Variants in ADAMTS2 observed in about 807,000 individuals in gnomAD.
ADAMTS2 encodes the protein ADAM metallopeptidase with thrombospondin type 1 motif 2, also known as A disintegrin and metalloproteinase with thrombospondin motifs 2.
ADAMTS2 carries 50 observed loss-of-function variants against 123.0 expected under a neutral mutation model. The observed-to-expected ratio is 0.41, with a 90% CI of 0.32 to 0.51. ADAMTS2 has a LOEUF of 0.51. ADAMTS2 is among the 20% of genes least tolerant of loss of function. The pLI is 0.35. For missense variants in ADAMTS2, 1,494 were observed against 1,705.2 expected (o/e 0.88, Z 2.18); for synonymous variants, 678 against 695.4 (o/e 0.98, Z 0.39).
At chr5:179,288,707 T>C (rs887595598) in intron 2 of ADAMTS2, among the ~76,000 whole-genome samples, 4 of 152,210 alleles carry the variant, frequency 2.6e-5, no homozygotes, top group Non-Finnish European at 5.9e-5. Context: ...AAAGGCGCCG[T>C]ATCCAGAATG....
At chr5:179,253,361 C>T (rs1465248235) in intron 3 of ADAMTS2, among the ~76,000 whole-genome samples, 14 of 152,000 alleles carry the variant, frequency 9.2e-5, no homozygotes, top group Admixed American at 3.9e-4. Flanking sequence ...AAAGACATCC[C>T]GGCCGGGCGC....
At position 179,273,034 on chromosome 5, in the gene ADAMTS2, ACTC is replaced by A. The variant is rs771693028; in HGVS notation, c.562_564del (p.Glu188del). 1.2e-6 allele frequency: 2 copies of A among 1,612,990 alleles called. No homozygotes were observed. The highest frequency in any genetic ancestry group is 1.7e-6 in the Non-Finnish European group (2 of 1,179,878). ...CCCTTCTCCAAGGGTTCGATGAAGA[ACTC>A]CTCCTCCTCCATCCGGATCAGACCA... is the stretch of plus-strand genomic sequence containing the variant. On this transcript the variant is annotated inframe_deletion, in exon 3 of 22. Transcript: ENST00000251582.
At chr5:179,137,184 C>A (rs1224587581) in intron 12 of ADAMTS2, among the ~76,000 whole-genome samples, 1 of 152,204 alleles carries the variant, frequency 6.6e-6, no homozygotes, top group Non-Finnish European at 1.5e-5. Context: ...CATGAGGCAG[C>A]AGCTGCTGGG....
intron 2 of ADAMTS2, among the ~76,000 whole-genome samples, chr5:179,293,149 C>G (rs1050438825): frequency 2.6e-5 from 4 of 152,228 alleles, no homozygotes; most frequent in African/African-American, 9.6e-5. Flanking sequence ...ACGGGGAAGA[C>G]AGTCTGACCC....
At chr5:179,193,124 C>T (rs1028445638) in intron 4 of ADAMTS2, among the ~76,000 whole-genome samples, 4 of 152,180 alleles carry the variant, frequency 2.6e-5, no homozygotes, top group Admixed American at 2.6e-4. Context: ...ACTATCTCCA[C>T]TACCAGGTGG....
chr5:179,169,710 C>G lies in ADAMTS2; in HGVS notation c.976-10831G>C, dbSNP rs149469007. Among the ~76,000 whole-genome samples the G allele has an allele frequency of 2.0e-5, 3 of 152,282 alleles. No individual in the cohort carries two copies. In the East Asian group the frequency reaches 5.8e-4, roughly 29 times the overall value. ...CTTCCTGCACCATGGCTGGGCCACTCTAAATCCTCTACCCTATAGGTGGGT... is the reference window on the plus strand; with the variant it reads ...CTTCCTGCACCATGGCTGGGCCACTGTAAATCCTCTACCCTATAGGTGGGT... On this transcript the variant is annotated intron_variant, in intron 5 of 21. Coordinates refer to ENST00000251582, the MANE Select transcript of ADAMTS2 (RefSeq NM_014244.5).
chr5:179,244,363 G>A (rs1765735428), intron 3 of ADAMTS2, among the ~76,000 whole-genome samples: 1 of 152,166 alleles, frequency 6.6e-6, no homozygotes, highest in Non-Finnish European at 1.5e-5. Flanking sequence ...CAGCAGAATG[G>A]CATATCCAAT....
At chr5:179,318,054 T>A (rs1055277697) in intron 2 of ADAMTS2, among the ~76,000 whole-genome samples, 6 of 152,172 alleles carry the variant, frequency 3.9e-5, no homozygotes, top group Admixed American at 2.0e-4. Flanking sequence ...GGCTTCACCC[T>A]GGCCACGTCT....
At position 179,121,719 on chromosome 5, in the gene ADAMTS2, G is replaced by A. The variant is rs749365337; in HGVS notation, c.3120C>T (p.Tyr1040=). 51 of 1,592,172 alleles carry A rather than the reference G, an allele frequency of 3.2e-5. No individual in the cohort carries two copies. Among genetic ancestry groups the A allele is most frequent in the Non-Finnish European group, 4.3e-5 (50 of 1,169,076 alleles). Residue 1040 remains tyrosine, a synonymous_variant, in exon 21 of 22, where the codon TAC becomes TAT. Coordinates refer to ENST00000251582, the MANE Select transcript of ADAMTS2 (RefSeq NM_014244.5). ...RNISDPSKKS[Y]VVQWLSRPDP... ...CCGGGCGGGACAGCCACTGAACTAC[G>A]TAGCTCTTCTTGGAGGGATCTGAGA... is the stretch of plus-strand genomic sequence containing the variant.
Position 179,158,934 on chromosome 5 carries a change from G to A in ADAMTS2, c.976-55C>T, listed in dbSNP as rs1304938559. 1.9e-6 allele frequency: 3 copies of A among 1,595,916 alleles called. No homozygotes were observed. Among genetic ancestry groups the A allele is most frequent in the Non-Finnish European group, 8.5e-7 (1 of 1,170,730 alleles). On this transcript the variant is annotated intron_variant, in intron 5 of 21. Transcript: ENST00000251582. This position sits in a 1 kb window ranked among gnomAD's most constrained non-coding sequence, Gnocchi z 5.0. Reference sequence around the variant, plus strand: ...AGAGGTTGGCGCCTGGTGGCCCAGTGGGGGGCCGAGCAGGCTGTAGTGTTG... The same window carrying A: ...AGAGGTTGGCGCCTGGTGGCCCAGTAGGGGGCCGAGCAGGCTGTAGTGTTG...
intron 2 of ADAMTS2, among the ~76,000 whole-genome samples, chr5:179,305,123 G>A (rs1276347071): frequency 9.9e-5 from 15 of 151,394 alleles, no homozygotes; most frequent in Admixed American, 8.5e-4. Context: ...CAAGAATTAA[G>A]GAGAAATAAA....
At chr5:179,178,893 T>C (rs1344841437) in intron 5 of ADAMTS2, among the ~76,000 whole-genome samples, 4 of 152,220 alleles carry the variant, frequency 2.6e-5, no homozygotes, top group Admixed American at 2.6e-4. Flanking sequence ...TTTAACCACA[T>C]TCCAAAAGAT....
chr5:179,133,038 C>T, intron 13 of ADAMTS2, 138 bp from the exon 14 acceptor site: 4 of 1,163,118 alleles, frequency 3.4e-6, no homozygotes, highest in Admixed American at 2.0e-5. Flanking sequence ...GGATTACAGG[C>T]GTGAACCACC....
At chr5:179,139,066 G>A (rs1763115310) in intron 11 of ADAMTS2, among the ~76,000 whole-genome samples, 1 of 152,236 alleles carries the variant, frequency 6.6e-6, no homozygotes, top group South Asian at 2.1e-4. Flanking sequence ...GGCCAAAAAG[G>A]AAAGACCGAA....
chr5:179,171,648 A>G (rs1312520600), intron 5 of ADAMTS2, among the ~76,000 whole-genome samples: 1 of 152,088 alleles, frequency 6.6e-6, no homozygotes, highest in Admixed American at 6.6e-5. Flanking sequence ...TACCCCCATC[A>G]CTGCCTCCTG....
intron 3 of ADAMTS2, among the ~76,000 whole-genome samples, chr5:179,233,777 C>T (rs1052824455): frequency 1.2e-4 from 19 of 152,282 alleles, no homozygotes; most frequent in South Asian, 4.1e-4. Flanking sequence ...GCCCTCAAGC[C>T]GCTGAGCAGC....
rs554921285 is a variant in ADAMTS2, at chr5:179,209,866, G to A, written c.689-2151C>T. On this transcript the variant is annotated intron_variant, in intron 3 of 21. Transcript: ENST00000251582. The stretch of plus-strand genomic sequence containing the variant: ...TCACCTTCAGAATCACCTTGGGAAG[G>A]AGAGTGATGGCAATTTCCATAGGAA... Among the ~76,000 whole-genome samples, 4 of 152,324 alleles carry A rather than the reference G, an allele frequency of 2.6e-5. No homozygotes were observed. The South Asian group carries it at 8.3e-4, about 32-fold the overall frequency.
In ADAMTS2 at chr5:179,158,887, G is replaced by A. The variant is rs745799902; in HGVS notation, c.976-8C>T. On this transcript the variant is annotated splice_polypyrimidine_tract_variant and splice_region_variant and intron_variant, in intron 5 of 21. Coordinates refer to ENST00000251582, the MANE Select transcript of ADAMTS2 (RefSeq NM_014244.5). This position sits in a 1 kb window ranked among gnomAD's most constrained non-coding sequence, Gnocchi z 5.0. ...CTCGATGAGGCTCATGGACTGCAGG[G>A]GGATGGAGAGAAATGGAAGAGAGAG... 1.1e-5 allele frequency: 17 copies of A among 1,613,804 alleles called. No individual in the cohort carries two copies. In the South Asian group the frequency reaches 1.1e-4, roughly 10 times the overall value.
intron 3 of ADAMTS2, among the ~76,000 whole-genome samples, chr5:179,208,621 C>T (rs907815021): frequency 1.3e-5 from 2 of 152,186 alleles, no homozygotes; most frequent in Non-Finnish European, 2.9e-5. Context: ...GGAGACCACC[C>T]TGGACCAGGC....
Sources: allele counts gnomAD v4.1 joint callset (sites outside exome capture counted in the v4.1 genomes callset), GRCh38; gene constraint gnomAD v4.1.1; non-coding constraint Gnocchi (gnomAD v3.1); transcripts MANE v1.5; gene names NCBI Gene and HGNC (gene_info 2026-07-23, HGNC 2026-07-21).